The following KIAA1549 variants were observed in gnomAD, a reference collection of about 807,000 sequenced individuals.
KIAA1549 encodes the protein UPF0606 protein KIAA1549.
KIAA1549 carries 70 observed loss-of-function variants against 156.4 expected under a neutral mutation model. The observed-to-expected ratio is 0.45, with a 90% CI of 0.37 to 0.55. The LOEUF (loss-of-function observed/expected upper bound fraction) is 0.55, where lower values mean the gene tolerates loss of function less well. KIAA1549 is among the 20% of genes least tolerant of loss of function. The probability of loss-of-function intolerance (pLI) is 0.00; values close to 1 mark genes in which losing one functional copy is unlikely to be tolerated. For missense variants in KIAA1549, 2,428 were observed against 2,540.9 expected, an observed-to-expected ratio of 0.96 and a Z score of 0.96; for synonymous variants, 1,103 against 1,066.4, an observed-to-expected ratio of 1.03 and a Z score of -0.67.
intron 14 of KIAA1549, among the ~76,000 whole-genome samples, chr7:138,868,736 A>C (rs1810829289): frequency 6.6e-6 from 1 of 152,224 alleles, no homozygotes; most frequent in Non-Finnish European, 1.5e-5. Flanking sequence ...CCTGGCCCAG[A>C]ACTAGGTCTT....
intron 15 of KIAA1549, among the ~76,000 whole-genome samples, chr7:138,865,750 C>T (rs1225928495): frequency 6.6e-6 from 1 of 152,160 alleles, no homozygotes; most frequent in Admixed American, 6.5e-5. Flanking sequence ...CAAAAGAAGG[C>T]TGATCTAGAG....
At chr7:138,860,932 A>C (rs1478682387) in intron 16 of KIAA1549, among the ~76,000 whole-genome samples, 1 of 152,258 alleles carries the variant, frequency 6.6e-6, no homozygotes, top group Non-Finnish European at 1.5e-5. Context: ...TGCGGGGATT[A>C]CAGGCATGAG....
chr7:138,874,317 A>G (rs1811020097), intron 12 of KIAA1549, among the ~76,000 whole-genome samples: 1 of 152,082 alleles, frequency 6.6e-6, no homozygotes, highest in Non-Finnish European at 1.5e-5. Context: ...CAAGATACCT[A>G]TTGTACCTCA....
chr7:138,976,524 T>G (rs890022063), intron 1 of KIAA1549, among the ~76,000 whole-genome samples: 7 of 152,240 alleles, frequency 4.6e-5, no homozygotes, highest in Admixed American at 4.6e-4. Flanking sequence ...TACAGCATAT[T>G]CACGTTTTAT....
At chr7:138,850,752 G>A (rs199609826) in intron 17 of KIAA1549, among the ~76,000 whole-genome samples, 18 of 152,240 alleles carry the variant, frequency 1.2e-4, no homozygotes, top group East Asian at 5.8e-4. Context: ...TGCTTTTGGC[G>A]TCTTCATCAT....
intron 1 of KIAA1549, among the ~76,000 whole-genome samples, chr7:138,933,943 G>A (rs1445333773): frequency 3.3e-5 from 5 of 152,210 alleles, no homozygotes; most frequent in African/African-American, 9.6e-5. Flanking sequence ...TCTAGCCTGG[G>A]TGACAGAGTA....
intron 1 of KIAA1549, among the ~76,000 whole-genome samples, chr7:138,924,326 TA>T: frequency 6.6e-6 from 1 of 152,312 alleles, no homozygotes; most frequent in East Asian, 1.9e-4. Flanking sequence ...TAAATCATTT[TA>T]TGTGTCTGTT....
Position 138,836,704 on chromosome 7 carries a change from T to G in KIAA1549, c.*1202A>C, listed in dbSNP as rs530873943. On this transcript the variant is annotated 3_prime_UTR_variant, in exon 20 of 20. Transcript: ENST00000422774. The stretch of plus-strand genomic sequence containing the variant: ...TAGCCCAAAGAGCATAAGACAATTT[T>G]AATAGCCACTCGACAGAGTAACAGC... 1 of 217,528 alleles carries G rather than the reference T, an allele frequency of 4.6e-6. No homozygotes were observed. Among genetic ancestry groups the G allele is most frequent in the East Asian group, 6.9e-5 (1 of 14,574 alleles). The allele number at this position is 217,528 out of a possible 1,614,324, so 13.5% of individuals were successfully genotyped here. A position where few individuals can be genotyped will look rare whatever the true frequency, so the allele number is the denominator to read the frequency against.
intron 14 of KIAA1549, among the ~76,000 whole-genome samples, chr7:138,868,435 A>G (rs1810819397): frequency 6.6e-6 from 1 of 152,026 alleles, no homozygotes; most frequent in African/African-American, 2.4e-5. Context: ...TTATTTTATT[A>G]TTCTTTTTTT....
rs749938588 is a variant in KIAA1549 at position 138,832,191 on chromosome 7, CTTTTTT to C, written c.*5709_*5714del. ...TCACCTCTGTCCCTTTTACCTATTC[CTTTTTT>C]TTTTTTTTTTTTTTCCAGAGACAGG... On this transcript the variant is annotated 3_prime_UTR_variant, in exon 20 of 20. Transcript: ENST00000422774. The C allele has an allele frequency of 1.1e-4, 16 of 143,716 alleles. No individual in the cohort carries two copies. Among genetic ancestry groups the C allele is most frequent in the East Asian group, 2.1e-4 (2 of 9,536 alleles). The allele number at this position is 143,716 out of a possible 1,614,324, so 8.9% of individuals were successfully genotyped here.
intron 9 of KIAA1549, among the ~76,000 whole-genome samples, chr7:138,897,026 A>G (rs1210193010): frequency 6.6e-6 from 1 of 152,158 alleles, no homozygotes; most frequent in African/African-American, 2.4e-5. Flanking sequence ...TTCAATCGCC[A>G]TCCCTGAGAT....
chr7:138,923,993 AT>A (rs1193358213), intron 1 of KIAA1549, among the ~76,000 whole-genome samples: 2 of 152,302 alleles, frequency 1.3e-5, no homozygotes, highest in African/African-American at 4.8e-5. Context: ...TAATACAAAG[AT>A]TTTTTAATCG....
chr7:138,898,394 T>C (rs1811750275), intron 9 of KIAA1549, among the ~76,000 whole-genome samples: 1 of 151,332 alleles, frequency 6.6e-6, no homozygotes, highest in African/African-American at 2.4e-5. Flanking sequence ...GAGTGAAACC[T>C]TCCAACAATA....
chr7:138,935,725 C>T lies in KIAA1549; in HGVS notation c.188-16287G>A, dbSNP rs550232508. Among the ~76,000 whole-genome samples the T allele has an allele frequency of 2.0e-5, 3 of 152,298 alleles. No individual in the cohort carries two copies. The East Asian group carries it at 5.8e-4, about 29-fold the overall frequency. ...AGCTGCCAGGAGACACCACTGCCTC[C>T]CTGGGGGGTATTAATTCCAACAAAC... is the stretch of plus-strand genomic sequence containing the variant. On this transcript the variant is annotated intron_variant, in intron 1 of 19. Transcript: ENST00000422774.
At chr7:138,854,736 T>C (rs1810335006) in intron 16 of KIAA1549, among the ~76,000 whole-genome samples, 1 of 152,002 alleles carries the variant, frequency 6.6e-6, no homozygotes, top group South Asian at 2.1e-4. Flanking sequence ...CAGGGTAACA[T>C]CAAAAGTCCA....
intron 4 of KIAA1549, 45 bp downstream of exon 4, chr7:138,911,101 G>A: frequency 6.6e-6 from 8 of 1,209,968 alleles, no homozygotes; most frequent in African/African-American, 1.6e-5. Context: ...AAAAAAAAAT[G>A]AAATTCTTTT....
intron 1 of KIAA1549, among the ~76,000 whole-genome samples, chr7:138,958,660 T>A (rs1266356058): frequency 6.6e-6 from 1 of 152,108 alleles, no homozygotes; most frequent in African/African-American, 2.4e-5. Context: ...CTTATTACTA[T>A]CCCACTGTCT....
At chr7:138,883,089 TAAAAAAAAAAAAA>T (rs1201752539) in intron 10 of KIAA1549, among the ~76,000 whole-genome samples, 1 of 47,064 alleles carries the variant, frequency 2.1e-5, no homozygotes, top group Non-Finnish European at 3.9e-5. Flanking sequence ...CCATCTCCCC[TAAAAAAAAAAAAA>T]AAAAAAAAAA....
intron 1 of KIAA1549, among the ~76,000 whole-genome samples, chr7:138,928,071 C>A (rs1812772403): frequency 6.6e-6 from 1 of 151,156 alleles, no homozygotes; most frequent in Non-Finnish European, 1.5e-5. Flanking sequence ...CAGGTGCCCA[C>A]CACCACGCCC....
Sources: allele counts gnomAD v4.1 joint callset (sites outside exome capture counted in the v4.1 genomes callset), GRCh38; gene constraint gnomAD v4.1.1; transcripts MANE v1.5; gene names NCBI Gene and HGNC (gene_info 2026-07-23, HGNC 2026-07-21).